Variants in PCNX1 observed in about 807,000 individuals in gnomAD.
The protein encoded by PCNX1 is pecanex-like protein 1.
PCNX1 carries 78 observed loss-of-function variants against 242.2 expected under a neutral mutation model. The observed-to-expected ratio is 0.32, with a 90% CI of 0.27 to 0.39. PCNX1 has a LOEUF of 0.39. Ranked by LOEUF, PCNX1 falls within the 10% of genes least tolerant of loss-of-function variation. The pLI is 1.00. For missense variants in PCNX1, 2,581 were observed against 2,856.5 expected (o/e 0.90, Z 2.20); for synonymous variants, 1,024 against 1,032.9 (o/e 0.99, Z 0.17).
chr14:70,932,592 T>C (rs1175769667), intron 1 of PCNX1, among the ~76,000 whole-genome samples: 1 of 151,628 alleles, frequency 6.6e-6, no homozygotes, highest in South Asian at 2.1e-4. Context: ...TTTATTTATC[T>C]AATTTTATTT....
Position 70,977,286 on chromosome 14 carries a change from G to C in PCNX1, c.949G>C (p.Glu317Gln). ...TGGATTAGATCCAGTTAGTGAGTTAGAATCTTCCAAGCCTCTTTCTGGATC... is the reference window on the plus strand; with the variant it reads ...TGGATTAGATCCAGTTAGTGAGTTACAATCTTCCAAGCCTCTTTCTGGATC... ...RRGLDPVSEL[E>Q]SSKPLSGSKE... The change falls in exon 6 of 36, where the codon GAA (glutamate) becomes CAA (glutamine). Residue 317 changes from glutamate to glutamine, a missense_variant. Around this residue, in one of 9 missense-constraint regions of PCNX1, gnomAD observed 1,204 missense variants for 1,216.7 expected, o/e 0.99. Transcript: ENST00000304743. The C allele has an allele frequency of 6.2e-7, 1 of 1,614,224 alleles. No individual in the cohort carries two copies. The highest frequency in any genetic ancestry group is 8.5e-7 in the Non-Finnish European group (1 of 1,180,044).
intron 12 of PCNX1, among the ~76,000 whole-genome samples, chr14:71,019,425 T>TG (rs2060038683): frequency 6.6e-6 from 1 of 152,170 alleles, no homozygotes; most frequent in Admixed American, 6.5e-5. Context: ...TTTTTGGAGA[T>TG]GGAGTATTGC....
At chr14:70,976,770 A>G (rs1018033830) in intron 5 of PCNX1, among the ~76,000 whole-genome samples, 172 bp from the exon 6 acceptor site, 1 of 152,202 alleles carries the variant, frequency 6.6e-6, no homozygotes, top group African/African-American at 2.4e-5. Flanking sequence ...TCATTTCGTG[A>G]GTAGAATGCT....
At position 70,939,875 on chromosome 14, in the gene PCNX1, G is replaced by A. The variant is rs141740901; in HGVS notation, c.154-7040G>A. Among the ~76,000 whole-genome samples the A allele has an allele frequency of 1.6e-3, 241 of 152,166 alleles. 4 individuals carry two copies. The highest frequency in any genetic ancestry group is 7.7e-4 in the East Asian group (4 of 5,176). ...TTCTTGTTGAATTGATACCTTTACC[G>A]TTATGCAATGGCCTTCTTTGTCTCT... On this transcript the variant is annotated intron_variant, in intron 1 of 35. Transcript: ENST00000304743.
chr14:71,048,075 T>C, intron 22 of PCNX1, 91 bp downstream of exon 22: 1 of 840,546 alleles, frequency 1.2e-6, no homozygotes, highest in Non-Finnish European at 1.8e-6. Flanking sequence ...TTTCATGTGA[T>C]TTATTATTGT....
intron 5 of PCNX1, among the ~76,000 whole-genome samples, chr14:70,975,675 T>G (rs2058669073): frequency 6.6e-6 from 1 of 152,138 alleles, no homozygotes; most frequent in Non-Finnish European, 1.5e-5. Context: ...GGTTCAGATG[T>G]CCTTGTCTGT....
chr14:71,068,406 A>G (rs1385226896), intron 26 of PCNX1, among the ~76,000 whole-genome samples: 5 of 149,630 alleles, frequency 3.3e-5, no homozygotes, highest in Admixed American at 6.7e-5. Context: ...GTATACGTAT[A>G]TATATGTATT....
At chr14:71,087,527 A>G (rs12433666) in intron 28 of PCNX1, among the ~76,000 whole-genome samples, 19,968 of 152,218 alleles carry the variant, frequency 0.13, 1,698 homozygotes, top group South Asian at 0.26. Context: ...CTTCACCTTT[A>G]GCATGTATTA....
chr14:70,979,913 CAGTAG>C (rs2058787983), intron 6 of PCNX1, among the ~76,000 whole-genome samples: 3 of 150,386 alleles, frequency 2.0e-5, no homozygotes, highest in South Asian at 4.2e-4. Flanking sequence ...CATTTGGTGA[CAGTAG>C]AGTAATTAAA....
chr14:71,041,899 A>AT (rs1475320411), intron 19 of PCNX1, among the ~76,000 whole-genome samples: 2 of 151,976 alleles, frequency 1.3e-5, no homozygotes, highest in Non-Finnish European at 2.9e-5. Flanking sequence ...TGTATTGGAA[A>AT]TTTTTAAATT....
chr14:71,048,804 A>G (rs2060940089), intron 22 of PCNX1, among the ~76,000 whole-genome samples: 1 of 152,154 alleles, frequency 6.6e-6, no homozygotes, highest in African/African-American at 2.4e-5. Flanking sequence ...AGCGATAATG[A>G]CAGTAATTCA....
chr14:71,084,283 C>T (rs1279867219), intron 28 of PCNX1, among the ~76,000 whole-genome samples: 1 of 152,186 alleles, frequency 6.6e-6, no homozygotes, highest in East Asian at 1.9e-4. Flanking sequence ...AGGTGTCTGT[C>T]GACCCCTGCC....
At chr14:71,012,815 T>A in intron 10 of PCNX1, 170 bp from the exon 11 acceptor site, 1 of 509,772 alleles carries the variant, frequency 2.0e-6, no homozygotes, top group East Asian at 3.3e-5. Context: ...CAAGACTCTG[T>A]CTCAAAAAAA....
intron 12 of PCNX1, 142 bp from the exon 13 acceptor site, chr14:71,023,058 C>A (rs1208904730): frequency 9.0e-6 from 6 of 665,288 alleles, no homozygotes; most frequent in Non-Finnish European, 1.4e-5. Context: ...GATGTTTCAT[C>A]TCTGGAACAG....
intron 12 of PCNX1, among the ~76,000 whole-genome samples, chr14:71,021,302 C>T (rs2060094691): frequency 6.6e-6 from 1 of 152,044 alleles, no homozygotes; most frequent in South Asian, 2.1e-4. Context: ...GTAAGAAAGT[C>T]AGTGGTAGCT....
rs1242841285 is a variant in PCNX1 at position 71,103,618 on chromosome 14, G to T, written c.6044G>T (p.Gly2015Val). Residue 2015 changes from glycine to valine, a missense_variant, in exon 32 of 36, where the codon GGT becomes GTT. Gly to Val is a moderately radical substitution (Grantham distance 109). Coordinates refer to ENST00000304743, the MANE Select transcript of PCNX1 (RefSeq NM_014982.3). ...SHEQLKDILGGPISLGNIRNF... is the reference protein window; with the variant it reads ...SHEQLKDILGVPISLGNIRNF... ...GAACAGCTTAAAGACATTCTTGGGG[G>T]TCCTATCAGCTTGGGAAATATCAGG... The T allele has an allele frequency of 1.2e-6, 2 of 1,613,970 alleles. No individual in the cohort carries two copies. Among genetic ancestry groups the T allele is most frequent in the African/African-American group, 1.3e-5 (1 of 74,906 alleles).
At chr14:71,096,101 C>T (rs996003351) in intron 30 of PCNX1, among the ~76,000 whole-genome samples, 29 of 152,104 alleles carry the variant, frequency 1.9e-4, no homozygotes, top group Non-Finnish European at 3.1e-4. Flanking sequence ...GGGCGGATCA[C>T]GAGGTCAGGA....
Position 71,108,948 on chromosome 14 carries a change from G to C in PCNX1, c.6646G>C (p.Gly2216Arg), listed in dbSNP as rs769272919. ...TCTCGTGGGCTTTCTTGCGACAGAG[G>C]GAGGTCAGAGCAGTGCCACTGATGC... is the stretch of plus-strand genomic sequence containing the variant. ...HTLVGFLATE[G>R]GQSSATDAQP... The change falls in exon 34 of 36, where the codon GGA (glycine) becomes CGA (arginine). Residue 2216 changes from glycine to arginine, a missense_variant. Gly to Arg is a moderately radical substitution (Grantham distance 125, BLOSUM62 -2). Coordinates refer to ENST00000304743, the MANE Select transcript of PCNX1 (RefSeq NM_014982.3). 2 of 1,614,206 alleles carry C rather than the reference G, an allele frequency of 1.2e-6. No homozygotes were observed.
Position 71,036,138 on chromosome 14 carries a change from C to T in PCNX1, c.3848C>T (p.Thr1283Ile). 1 of 1,591,332 alleles carries T rather than the reference C, an allele frequency of 6.3e-7. No homozygotes were observed. Among genetic ancestry groups the T allele is most frequent in the Non-Finnish European group, 8.6e-7 (1 of 1,159,320 alleles). Residue 1283 changes from threonine (T) to isoleucine (I), a missense_variant, in exon 19 of 36, where the codon ACA becomes ATA. Coordinates refer to ENST00000304743, the MANE Select transcript of PCNX1 (RefSeq NM_014982.3). ...CTGTATTTTGCTATTCATGTAAGCA[C>T]AGTCTTCACAGTATTGCAGGTAAGG... Reference protein sequence around the residue: ...GVLYFAIHVSTVFTVLQPALK... With the variant: ...GVLYFAIHVSIVFTVLQPALK...
Sources: allele counts gnomAD v4.1 joint callset (sites outside exome capture counted in the v4.1 genomes callset), GRCh38; gene constraint gnomAD v4.1.1; regional missense constraint gnomAD v4.1.1; transcripts MANE v1.5; gene names NCBI Gene and HGNC (gene_info 2026-07-23, HGNC 2026-07-21).